CNTN4: variants seen among roughly 807,000 people sequenced by gnomAD.
CNTN4 encodes contactin-4.
In CNTN4, 77 loss-of-function variants were observed where a neutral mutation model predicts 122.5. The ratio of observed to expected loss-of-function variants is 0.63; its 90% CI spans 0.52 to 0.76. The LOEUF is 0.76. Among genes scored for constraint, CNTN4 ranks in the 30% least tolerant of loss-of-function variants. CNTN4 has a pLI of 0.00. For synonymous variants in CNTN4, 512 were observed against 447.0 expected (o/e 1.15, Z -1.83); for missense variants, 1,256 against 1,259.1 (o/e 1.00, Z 0.04).
At chr3:2,947,749 C>G (rs1356294016) in intron 13 of CNTN4, among the ~76,000 whole-genome samples, 1 of 152,200 alleles carries the variant, frequency 6.6e-6, no homozygotes, top group East Asian at 1.9e-4. Context: ...CCTATCTCTT[C>G]CATTATAGAT....
At chr3:2,682,223 T>A (rs1011919591) in intron 4 of CNTN4, among the ~76,000 whole-genome samples, 12 of 152,198 alleles carry the variant, frequency 7.9e-5, no homozygotes, top group Non-Finnish European at 1.5e-4. Context: ...ACATTTATGA[T>A]CTCTTGGAGG....
At chr3:2,657,199 T>G (rs1354694216) in intron 4 of CNTN4, among the ~76,000 whole-genome samples, 1 of 152,224 alleles carries the variant, frequency 6.6e-6, no homozygotes, top group Non-Finnish European at 1.5e-5. Context: ...CATTCCTACA[T>G]GTCAGAAAAC....
intron 2 of CNTN4, among the ~76,000 whole-genome samples, chr3:2,318,034 G>T (rs934649118): frequency 2.0e-5 from 3 of 152,052 alleles, no homozygotes; most frequent in Non-Finnish European, 2.9e-5. Flanking sequence ...TAGATGGCAT[G>T]ATTTGATATG....
intron 6 of CNTN4, among the ~76,000 whole-genome samples, chr3:2,798,397 C>CTATCTATA (rs1553642419): frequency 0.083 from 12,181 of 147,514 alleles, 623 homozygotes; most frequent in Non-Finnish European, 0.11. Flanking sequence ...ATCTATATAT[C>CTATCTATA]TATCTATCTA....
chr3:2,308,291 T>C (rs2150122146), intron 2 of CNTN4, among the ~76,000 whole-genome samples: 1 of 152,204 alleles, frequency 6.6e-6, no homozygotes, highest in Middle Eastern at 3.4e-3. Flanking sequence ...TTGAATTTTC[T>C]CAATTGTTTT....
At chr3:2,324,278 A>C (rs999485609) in intron 2 of CNTN4, among the ~76,000 whole-genome samples, 1 of 44,990 alleles carries the variant, frequency 2.2e-5, no homozygotes, top group Non-Finnish European at 6.5e-5. Context: ...ATGATAGAAG[A>C]AATAACTGGA....
intron 12 of CNTN4, among the ~76,000 whole-genome samples, chr3:2,920,118 CCA>C (rs2094413002): frequency 6.6e-6 from 1 of 151,782 alleles, no homozygotes; most frequent in South Asian, 2.1e-4. Flanking sequence ...TATTTCTTAT[CCA>C]TACCAGCATG....
chr3:2,663,297 A>AG (rs1322310731), intron 4 of CNTN4, among the ~76,000 whole-genome samples: 1 of 152,192 alleles, frequency 6.6e-6, no homozygotes, highest in African/African-American at 2.4e-5. Context: ...CTAACAAGTA[A>AG]TTGATGGCAT....
At chr3:2,280,095 T>C (rs190450238) in intron 2 of CNTN4, among the ~76,000 whole-genome samples, 8 of 152,148 alleles carry the variant, frequency 5.3e-5, no homozygotes, top group Admixed American at 1.3e-4. Context: ...TATATGTATA[T>C]ACCAGACCAT....
chr3:2,463,638 A>C (rs549365172), intron 3 of CNTN4, among the ~76,000 whole-genome samples: 3 of 152,232 alleles, frequency 2.0e-5, no homozygotes, highest in Admixed American at 6.5e-5. Flanking sequence ...GAGCACCTAT[A>C]ATCCCAGCTA....
intron 3 of CNTN4, among the ~76,000 whole-genome samples, chr3:2,341,642 C>T (rs2044214188): frequency 6.6e-6 from 1 of 152,220 alleles, no homozygotes. Flanking sequence ...GCCTTTCTTC[C>T]TCTACCACAG....
chr3:2,303,934 G>A (rs1566384), intron 2 of CNTN4, among the ~76,000 whole-genome samples: 50,414 of 151,894 alleles, frequency 0.33, 9,429 homozygotes, highest in East Asian at 0.52. Context: ...TATATTTTGT[G>A]TCACAATAGA....
Position 2,629,516 on chromosome 3 carries a change from C to A in CNTN4, c.55+57958C>A, listed in dbSNP as rs141270686. On this transcript the variant is annotated intron_variant, in intron 4 of 24. Coordinates refer to ENST00000418658, the MANE Select transcript of CNTN4 (RefSeq NM_175607.3). Reference sequence around the variant, plus strand: ...AGTGAAGAATTTTACCCTGTTCCTTCCCGTTCTAGGTTCACAGACTGACTT... The same window carrying A: ...AGTGAAGAATTTTACCCTGTTCCTTACCGTTCTAGGTTCACAGACTGACTT... 3.7e-4 allele frequency: 169 copies of A among 451,406 alleles called. 1 individual carries two copies. Among genetic ancestry groups the A allele is most frequent in the African/African-American group, 3.1e-3 (156 of 49,956 alleles). 28.0% of individuals were successfully genotyped at this position (451,406 alleles called of 1,614,324 possible).
chr3:2,118,238 C>G (rs1433413617), intron 2 of CNTN4, among the ~76,000 whole-genome samples: 1 of 152,134 alleles, frequency 6.6e-6, no homozygotes, highest in Non-Finnish European at 1.5e-5. Flanking sequence ...TCAGGTCATG[C>G]AGCTAATAAA....
chr3:2,228,610 A>G (rs911282256), intron 2 of CNTN4, among the ~76,000 whole-genome samples: 10 of 152,100 alleles, frequency 6.6e-5, no homozygotes, highest in African/African-American at 2.2e-4. Flanking sequence ...GTATCAAATG[A>G]TGGTATTATA....
At chr3:2,686,942 T>A (rs1373379123) in intron 4 of CNTN4, among the ~76,000 whole-genome samples, 2 of 151,968 alleles carry the variant, frequency 1.3e-5, no homozygotes, top group Non-Finnish European at 2.9e-5. Flanking sequence ...GCTTTGGAGG[T>A]CATTAACAAT....
intron 3 of CNTN4, among the ~76,000 whole-genome samples, chr3:2,410,402 A>G (rs1306182686): frequency 1.3e-5 from 2 of 152,204 alleles, no homozygotes; most frequent in African/African-American, 4.8e-5. Context: ...AATCAATAAT[A>G]AAGACAATGG....
chr3:2,529,866 T>A (rs1296080024), intron 3 of CNTN4, among the ~76,000 whole-genome samples: 11 of 152,194 alleles, frequency 7.2e-5, no homozygotes, highest in African/African-American at 2.4e-5. Context: ...CAGAATATCT[T>A]GAAATCCTAA....
At chr3:2,647,354 C>T (rs923941922) in intron 4 of CNTN4, among the ~76,000 whole-genome samples, 3 of 151,818 alleles carry the variant, frequency 2.0e-5, no homozygotes, top group African/African-American at 7.3e-5. Context: ...GCACTCCAGC[C>T]TGGGCAACGA....
Sources: gnomAD v4.1 joint callset for allele counts (sites outside exome capture counted in the v4.1 genomes callset) on GRCh38, gnomAD v4.1.1 for gene constraint, MANE v1.5 for transcripts, NCBI Gene and HGNC (gene_info 2026-07-23, HGNC 2026-07-21) for gene names.